QTMAN: variants seen among roughly 807,000 people sequenced by gnomAD.
The protein encoded by QTMAN is queuosine-tRNA mannosyltransferase.
chr2:144,108,593 T>A, the QTMAN span, among the ~76,000 whole-genome samples: 8,970 of 150,532 alleles, frequency 0.06, 898 homozygotes, highest in African/African-American at 0.21. Flanking sequence ...AGCCGAGATC[T>A]CGCCACTGCC....
At chr2:144,172,107 T>C in the QTMAN span, among the ~76,000 whole-genome samples, 2 of 152,082 alleles carry the variant, frequency 1.3e-5, no homozygotes. Flanking sequence ...ATAAGGAAAT[T>C]GGAGTTGAGA....
At chr2:144,199,611 A>C in the QTMAN span, among the ~76,000 whole-genome samples, 1 of 152,180 alleles carries the variant, frequency 6.6e-6, no homozygotes, top group African/African-American at 2.4e-5. Context: ...GTTAACACTT[A>C]TTCCCCAAAA....
At chr2:144,236,021 T>C in the QTMAN span, among the ~76,000 whole-genome samples, 1 of 151,786 alleles carries the variant, frequency 6.6e-6, no homozygotes, top group Non-Finnish European at 1.5e-5. Context: ...TGTTTAACCT[T>C]GGTCACTGGA....
chr2:143,993,978 C>T, the QTMAN span, among the ~76,000 whole-genome samples: 1 of 152,052 alleles, frequency 6.6e-6, no homozygotes, highest in Admixed American at 6.5e-5. Context: ...GCCATATACC[C>T]ATCTCTCTTC....
At chr2:144,291,948 C>T in the QTMAN span, among the ~76,000 whole-genome samples, 22 of 152,130 alleles carry the variant, frequency 1.4e-4, no homozygotes, top group Non-Finnish European at 2.9e-5. Flanking sequence ...CCTTGTTCCC[C>T]CACTTAAAAG....
the QTMAN span, among the ~76,000 whole-genome samples, chr2:143,989,884 T>G: frequency 6.6e-6 from 1 of 152,076 alleles, no homozygotes; most frequent in African/African-American, 2.4e-5. Flanking sequence ...CTAGCCCCCT[T>G]CTCTCACTAC....
chr2:143,965,608 A>T, the QTMAN span, among the ~76,000 whole-genome samples: 1 of 152,152 alleles, frequency 6.6e-6, no homozygotes, highest in East Asian at 1.9e-4. Context: ...TTTAGGTTGG[A>T]TAATTATTTG....
chr2:144,261,115 T>C, the QTMAN span, among the ~76,000 whole-genome samples: 1 of 152,212 alleles, frequency 6.6e-6, no homozygotes, highest in Admixed American at 6.5e-5. Flanking sequence ...CTGTACAGCC[T>C]ACCAATCTAA....
the QTMAN span, among the ~76,000 whole-genome samples, chr2:144,173,470 G>T: frequency 0.087 from 13,278 of 152,180 alleles, 1,217 homozygotes; most frequent in African/African-American, 0.23. Context: ...TGGCCTCTGG[G>T]CAACAACAAG....
the QTMAN span, among the ~76,000 whole-genome samples, chr2:144,101,299 T>G: frequency 2.6e-5 from 4 of 152,254 alleles, no homozygotes; most frequent in Non-Finnish European, 5.9e-5. Flanking sequence ...CTAAATCCCA[T>G]GGACCTTTGT....
chr2:143,953,373 T>TA, the QTMAN span, among the ~76,000 whole-genome samples: 1 of 151,892 alleles, frequency 6.6e-6, no homozygotes, highest in African/African-American at 2.4e-5. Flanking sequence ...AATTTGTTAT[T>TA]ATGCAGAATG....
At chr2:144,145,426 G>A in the QTMAN span, 19 of 525,766 alleles carry the variant, frequency 3.6e-5, no homozygotes, top group Non-Finnish European at 6.1e-5. Context: ...ATATACTGCA[G>A]AAGGAAGAAT....
chr2:144,119,656 T>C, the QTMAN span, among the ~76,000 whole-genome samples: 1 of 152,296 alleles, frequency 6.6e-6, no homozygotes, highest in Admixed American at 6.5e-5. Context: ...GTGCTTAGGA[T>C]TTCTACACTT....
chr2:144,168,819 C>G, the QTMAN span, among the ~76,000 whole-genome samples: 2 of 151,960 alleles, frequency 1.3e-5, no homozygotes, highest in African/African-American at 2.4e-5. Flanking sequence ...ACATCTTAGG[C>G]TTCTTGTTAA....
chr2:144,243,688 A>T, the QTMAN span, among the ~76,000 whole-genome samples: 1 of 152,212 alleles, frequency 6.6e-6, no homozygotes. Flanking sequence ...AAGGCATCCA[A>T]GTACTTTAAG....
At chr2:143,972,352 C>A in the QTMAN span, among the ~76,000 whole-genome samples, 1 of 152,024 alleles carries the variant, frequency 6.6e-6, no homozygotes, top group Admixed American at 6.6e-5. Context: ...ATAGGGAAAT[C>A]TAGCCATTCA....
the QTMAN span, among the ~76,000 whole-genome samples, chr2:143,979,644 A>T: frequency 2.6e-5 from 4 of 152,318 alleles, no homozygotes; most frequent in Admixed American, 6.5e-5. Flanking sequence ...TCATTTTATA[A>T]ACGAGATCAA....
chr2:144,247,872 G>C, the QTMAN span, among the ~76,000 whole-genome samples: 1 of 152,004 alleles, frequency 6.6e-6, no homozygotes, highest in African/African-American at 2.4e-5. Flanking sequence ...TTGTTTCTTG[G>C]TAGAGATGGG....
At chr2:144,323,284 T>C in the QTMAN span, among the ~76,000 whole-genome samples, 2 of 152,238 alleles carry the variant, frequency 1.3e-5, no homozygotes, top group East Asian at 3.8e-4. Flanking sequence ...GCACATTTCG[T>C]ATCTCATCAC....
Sources: gnomAD v4.1 joint callset for allele counts (sites outside exome capture counted in the v4.1 genomes callset) on GRCh38, gnomAD v4.1.1 for gene constraint, MANE v1.5 for transcripts, NCBI Gene and HGNC (gene_info 2026-07-23, HGNC 2026-07-21) for gene names.